Variants in REPS1 observed in about 807,000 individuals in gnomAD.
REPS1 encodes the protein ralBP1-associated Eps domain-containing protein 1.
A neutral mutation model predicts 100.9 loss-of-function variants in REPS1; 39 were observed. The observed-to-expected ratio is 0.39, with a 90% CI of 0.30 to 0.50. REPS1 has a LOEUF of 0.50. Among genes scored for constraint, REPS1 ranks in the 20% least tolerant of loss-of-function variants. REPS1 has a pLI of 0.86. For missense variants in REPS1, 821 were observed against 968.5 expected (o/e 0.85, Z 2.02); for synonymous variants, 324 against 340.3 (o/e 0.95, Z 0.53).
chr6:138,944,626 T>A lies in REPS1; in HGVS notation c.629-4A>T, dbSNP rs747298105. ...ACTGCATCACCAGCAGAAGAACCTA[T>A]AAGGAGAATGGGTAAACATGCTGAC... is the stretch of plus-strand genomic sequence containing the variant. On this transcript the variant is annotated splice_region_variant and splice_polypyrimidine_tract_variant and intron_variant, in intron 4 of 19. Transcript: ENST00000450536. The A allele has an allele frequency of 5.0e-6, 8 of 1,611,072 alleles. No homozygotes were observed. In the South Asian group the frequency reaches 8.9e-5, roughly 18 times the overall value.
intron 1 of REPS1, among the ~76,000 whole-genome samples, chr6:138,954,058 G>C (rs1290497602): frequency 6.6e-6 from 1 of 152,030 alleles, no homozygotes; most frequent in East Asian, 1.9e-4. Flanking sequence ...GATGGAACTG[G>C]ACGACATTGT....
chr6:138,941,686 T>A (rs1366909954), intron 7 of REPS1, among the ~76,000 whole-genome samples, 197 bp from the exon 8 acceptor site: 1 of 152,196 alleles, frequency 6.6e-6, no homozygotes, highest in Admixed American at 6.5e-5. Context: ...AGTATATGAA[T>A]GCTTATGGTA....
At chr6:138,957,872 C>G (rs1783497520) in intron 1 of REPS1, among the ~76,000 whole-genome samples, 1 of 152,132 alleles carries the variant, frequency 6.6e-6, no homozygotes, top group Non-Finnish European at 1.5e-5. Flanking sequence ...TCATTTTCAA[C>G]TTTTAGATTC....
chr6:138,979,921 TTCC>T (rs1178535264), intron 1 of REPS1, among the ~76,000 whole-genome samples: 2 of 152,170 alleles, frequency 1.3e-5, no homozygotes. Context: ...TATCTCTGAA[TTCC>T]TCAAGATGTA....
At chr6:138,949,366 C>T (rs1206849064) in intron 1 of REPS1, among the ~76,000 whole-genome samples, 1 of 152,148 alleles carries the variant, frequency 6.6e-6, no homozygotes, top group African/African-American at 2.4e-5. Context: ...CATTTCTTTT[C>T]CTGACTTGCC....
Position 138,907,573 on chromosome 6 carries a change from A to C in REPS1, c.2244T>G (p.Ile748Met). ...PRSVGKDKKA[I>M]QASIRRNKET... ...CCTTATTACGTCTAATTGATGCCTG[A>C]ATAGCTTTCTTATCTTTCCCAACAG... is the stretch of plus-strand genomic sequence containing the variant. The change falls in exon 19 of 20, where the codon ATT (isoleucine) becomes ATG (methionine). Residue 748 changes from isoleucine (I) to methionine (M), a missense_variant. By Grantham distance (10) the Ile-to-Met change is conservative. Transcript: ENST00000450536. 1.9e-6 allele frequency: 3 copies of C among 1,613,472 alleles called. No homozygotes were observed. The highest frequency in any genetic ancestry group is 2.5e-6 in the Non-Finnish European group (3 of 1,179,520).
rs747162197 is a variant in REPS1 at position 138,945,521 on chromosome 6, G to A, written c.454C>T (p.Arg152Cys). The A allele has an allele frequency of 1.2e-5, 20 of 1,605,940 alleles. No individual in the cohort carries two copies. The highest frequency in any genetic ancestry group is 2.7e-5 in the African/African-American group (2 of 74,452). The change falls in exon 3 of 20, where the codon CGT (arginine) becomes TGT (cysteine). Residue 152 changes from arginine to cysteine, a missense_variant. Arg to Cys is a radical substitution (Grantham distance 180). Transcript: ENST00000450536. ...GSVSHDTVQP[R>C]TSADAQEPAS... Reference sequence around the variant, plus strand: ...ATTACCTGTGCATCTGCAGATGTACGAGGCTGAACCGTATCATGGCTTACG... The same window carrying A: ...ATTACCTGTGCATCTGCAGATGTACAAGGCTGAACCGTATCATGGCTTACG...
intron 1 of REPS1, among the ~76,000 whole-genome samples, chr6:138,950,690 A>G (rs918342215): frequency 6.6e-6 from 1 of 152,056 alleles, no homozygotes; most frequent in African/African-American, 2.4e-5. Flanking sequence ...TCCACCCCTC[A>G]ATTTTTTTGC....
Position 138,905,151 on chromosome 6 carries a change from C to A in REPS1, c.2323-19G>T, listed in dbSNP as rs1211992204. 2.7e-6 allele frequency: 4 copies of A among 1,458,750 alleles called. No homozygotes were observed. In the South Asian group the frequency reaches 3.4e-5, roughly 12 times the overall value. The allele number at this position is 1,458,750 out of a possible 1,614,324, so 90.4% of individuals were successfully genotyped here. A position where few individuals can be genotyped will look rare whatever the true frequency, so the allele number is the denominator to read the frequency against. ...GAACATCCTGAAAAAGATGCAAAGG[C>A]CAAGTTATGTTTCAAAGTATATAAA... is the stretch of plus-strand genomic sequence containing the variant. On this transcript the variant is annotated intron_variant, in intron 19 of 19. Transcript: ENST00000450536.
chr6:138,948,016 A>AG, intron 1 of REPS1, 103 bp from the exon 2 acceptor site: 20 of 1,014,062 alleles, frequency 2.0e-5, no homozygotes, highest in Non-Finnish European at 2.6e-5. Context: ...ATATCTATCT[A>AG]ATAGATGGTA....
At chr6:138,937,406 A>C (rs953446778) in intron 8 of REPS1, among the ~76,000 whole-genome samples, 2 of 152,220 alleles carry the variant, frequency 1.3e-5, no homozygotes, top group African/African-American at 4.8e-5. Context: ...GGATGAATAT[A>C]AGAGAAACTC....
intron 1 of REPS1, among the ~76,000 whole-genome samples, chr6:138,980,615 T>G (rs1170990320): frequency 6.8e-6 from 1 of 147,274 alleles, no homozygotes; most frequent in Non-Finnish European, 1.5e-5. Context: ...CTACCTCCTC[T>G]GATTCTACCA....
At chr6:138,964,891 A>T (rs1783929525) in intron 1 of REPS1, among the ~76,000 whole-genome samples, 1 of 152,116 alleles carries the variant, frequency 6.6e-6, no homozygotes, top group African/African-American at 2.4e-5. Flanking sequence ...GAAGCTTCTT[A>T]ATATTTGGAG....
At chr6:138,907,329 T>TGTGTGTGTGTGTGG in intron 19 of REPS1, 166 bp downstream of exon 19, 1 of 471,418 alleles carries the variant, frequency 2.1e-6, no homozygotes, top group Non-Finnish European at 3.9e-6. Flanking sequence ...TGTGTGTGTG[T>TGTGTGTGTGTGTGG]GTGTGTGTGT....
chr6:138,963,011 T>C (rs1332619350), intron 1 of REPS1, among the ~76,000 whole-genome samples: 2 of 152,156 alleles, frequency 1.3e-5, no homozygotes, highest in African/African-American at 2.4e-5. Flanking sequence ...TTCAAGATTC[T>C]CCATAATGTA....
chr6:138,959,585 AC>A (rs1783610198), intron 1 of REPS1, among the ~76,000 whole-genome samples: 1 of 152,210 alleles, frequency 6.6e-6, no homozygotes, highest in African/African-American at 2.4e-5. Flanking sequence ...TTTAAATGGA[AC>A]GGGGTCAGTG....
intron 19 of REPS1, among the ~76,000 whole-genome samples, chr6:138,906,072 T>C (rs1303065730): frequency 6.6e-6 from 1 of 152,256 alleles, no homozygotes; most frequent in Non-Finnish European, 1.5e-5. Flanking sequence ...CTTGTTTCAA[T>C]GGTCTTCCCT....
intron 1 of REPS1, among the ~76,000 whole-genome samples, chr6:138,982,688 T>A (rs1442024702): frequency 6.6e-6 from 1 of 152,248 alleles, no homozygotes; most frequent in East Asian, 1.9e-4. Context: ...CTTGCTATTA[T>A]GTGGCATGGA....
At chr6:138,916,067 A>G (rs1780356634) in intron 13 of REPS1, 91 bp from the exon 14 acceptor site, 2 of 901,514 alleles carry the variant, frequency 2.2e-6, no homozygotes, top group Admixed American at 1.8e-5. Context: ...GCAGCAAAGG[A>G]TCTTATTAGC....
Sources: allele counts gnomAD v4.1 joint callset (sites outside exome capture counted in the v4.1 genomes callset), GRCh38; gene constraint gnomAD v4.1.1; transcripts MANE v1.5; gene names NCBI Gene and HGNC (gene_info 2026-07-23, HGNC 2026-07-21).